Variants in DDX60 observed in about 807,000 individuals in gnomAD.
The protein encoded by DDX60 is DExD/H-box helicase 60.
In DDX60, 165 loss-of-function variants were observed where a neutral mutation model predicts 212.8. The ratio of observed to expected loss-of-function variants is 0.78; its 90% CI spans 0.68 to 0.88. The LOEUF (loss-of-function observed/expected upper bound fraction) is 0.88. Ranked by LOEUF, DDX60 falls within the 40% of genes least tolerant of loss-of-function variation. DDX60 has a pLI of 0.00. For synonymous variants in DDX60, 703 were observed against 685.3 expected (o/e 1.03, Z -0.40); for missense variants, 1,905 against 2,003.9 (o/e 0.95, Z 0.94).
chr4:168,241,961 A>C (rs72693117), intron 30 of DDX60, among the ~76,000 whole-genome samples: 8,903 of 152,176 alleles, frequency 0.059, 449 homozygotes, highest in East Asian at 0.15. Flanking sequence ...CTGCTGTGTA[A>C]AGTCTAGGAA....
chr4:168,317,826 T>C (rs896875027), intron 1 of DDX60, among the ~76,000 whole-genome samples: 4 of 152,066 alleles, frequency 2.6e-5, no homozygotes, highest in African/African-American at 9.7e-5. Context: ...GATCTCAGGG[T>C]GAAATCTAAA....
rs79373297 is a variant in DDX60 at position 168,272,925 on chromosome 4, A to G, written c.2574+354T>C. On this transcript the variant is annotated intron_variant, in intron 18 of 37. Coordinates refer to ENST00000393743, the MANE Select transcript of DDX60 (RefSeq NM_017631.6). The stretch of plus-strand genomic sequence containing the variant: ...ATACAACATTTTCTAAATCATGAGT[A>G]TCCTTAATAGATACTTATGAAGAAA... 1.4e-3 allele frequency among the ~76,000 whole-genome samples: 212 copies of G among 152,376 alleles called. 4 individuals carry two copies. Among genetic ancestry groups the G allele is most frequent in the East Asian group, 0.012 (61 of 5,194 alleles).
intron 10 of DDX60, among the ~76,000 whole-genome samples, chr4:168,285,710 T>C (rs909124757): frequency 4.6e-5 from 7 of 151,444 alleles, no homozygotes; most frequent in Admixed American, 2.6e-4. Flanking sequence ...CATTTTGGCA[T>C]ATATGTGGAT....
intron 3 of DDX60, 78 bp from the exon 4 acceptor site, chr4:168,308,273 C>T: frequency 1.3e-6 from 1 of 792,040 alleles, no homozygotes; most frequent in Non-Finnish European, 1.9e-6. Flanking sequence ...CTTATTAGCT[C>T]ATTATCATTA....
At chr4:168,302,465 A>G (rs1736687720) in intron 5 of DDX60, 49 bp from the exon 6 acceptor site, 1 of 807,482 alleles carries the variant, frequency 1.2e-6, no homozygotes, top group Non-Finnish European at 1.8e-6. Context: ...AAAATATGTA[A>G]TTATTTTCCA....
At chr4:168,258,390 C>A (rs1560832868) in intron 25 of DDX60, among the ~76,000 whole-genome samples, 1 of 152,124 alleles carries the variant, frequency 6.6e-6, no homozygotes, top group Non-Finnish European at 1.5e-5. Context: ...AGTGTGTGCC[C>A]TTAAGCACAC....
intron 24 of DDX60, among the ~76,000 whole-genome samples, chr4:168,261,505 A>C (rs1171889011): frequency 6.6e-6 from 1 of 152,212 alleles, no homozygotes; most frequent in Non-Finnish European, 1.5e-5. Context: ...AATAAATCAA[A>C]TTTCAAAATA....
At chr4:168,290,205 A>C (rs1290737993) in intron 8 of DDX60, among the ~76,000 whole-genome samples, 1 of 152,132 alleles carries the variant, frequency 6.6e-6, no homozygotes, top group Non-Finnish European at 1.5e-5. Flanking sequence ...CGGGATAATC[A>C]CACATGCTGC....
intron 35 of DDX60, among the ~76,000 whole-genome samples, chr4:168,223,296 A>G (rs1733129632): frequency 6.6e-6 from 1 of 151,662 alleles, no homozygotes; most frequent in South Asian, 2.1e-4. Flanking sequence ...ATGTAAAACT[A>G]ATTTTATTAA....
upstream of DDX60, among the ~76,000 whole-genome samples, chr4:168,322,828 G>A (rs1188315919): frequency 2.6e-5 from 4 of 152,200 alleles, no homozygotes; most frequent in African/African-American, 9.6e-5. Context: ...TGGAACTCAG[G>A]AGCAAAGTGA....
intron 9 of DDX60, among the ~76,000 whole-genome samples, chr4:168,287,584 T>C (rs1735915473): frequency 1.3e-5 from 2 of 152,164 alleles, no homozygotes; most frequent in Non-Finnish European, 2.9e-5. Flanking sequence ...TTGTTAAGTT[T>C]ATATGCAGCT....
At chr4:168,305,191 C>T (rs1736822597) in intron 5 of DDX60, among the ~76,000 whole-genome samples, 1 of 152,198 alleles carries the variant, frequency 6.6e-6, no homozygotes, top group African/African-American at 2.4e-5. Flanking sequence ...GTGTCATAGG[C>T]TATACCATCT....
chr4:168,252,929 C>T (rs892327612), intron 26 of DDX60, among the ~76,000 whole-genome samples: 3 of 152,076 alleles, frequency 2.0e-5, no homozygotes, highest in Admixed American at 6.6e-5. Context: ...CTCAGCCTCC[C>T]GAGTAGCTGG....
At chr4:168,272,210 G>T in intron 18 of DDX60, 72 bp from the exon 19 acceptor site, 1 of 1,241,352 alleles carries the variant, frequency 8.1e-7, no homozygotes, top group East Asian at 2.5e-5. Context: ...ACAGGAATAT[G>T]TAAGATAGAC....
At chr4:168,244,661 G>A (rs1409987709) in intron 30 of DDX60, among the ~76,000 whole-genome samples, 1 of 152,102 alleles carries the variant, frequency 6.6e-6, no homozygotes, top group Non-Finnish European at 1.5e-5. Flanking sequence ...GGAGGCGGAG[G>A]TTGCAGTGAG....
At chr4:168,287,593 C>T (rs928258476) in intron 9 of DDX60, among the ~76,000 whole-genome samples, 1 of 152,082 alleles carries the variant, frequency 6.6e-6, no homozygotes, top group African/African-American at 2.4e-5. Flanking sequence ...TTATATGCAG[C>T]TAATTCATTA....
At chr4:168,218,395 A>G (rs563365335) in intron 37 of DDX60, among the ~76,000 whole-genome samples, 2 of 152,012 alleles carry the variant, frequency 1.3e-5, no homozygotes, top group African/African-American at 2.4e-5. Flanking sequence ...AACTGCATAA[A>G]TTTTTTTACC....
intron 31 of DDX60, 66 bp from the exon 32 acceptor site, chr4:168,237,493 AC>A: frequency 7.1e-7 from 1 of 1,414,720 alleles, no homozygotes; most frequent in Non-Finnish European, 9.5e-7. Context: ...CTTATTAAGT[AC>A]CAGTTTAAAA....
In DDX60 at chr4:168,285,945, A is replaced by AAGGG. The variant is rs1257458524; in HGVS notation, c.1340-451_1340-448dup. Among the ~76,000 whole-genome samples, 6 of 127,734 alleles carry AAGGG rather than the reference A, an allele frequency of 4.7e-5. No individual in the cohort carries two copies. In the East Asian group the frequency reaches 8.6e-4, roughly 18 times the overall value. The allele number at this position is 127,734 out of a possible 152,430, so 83.8% of individuals were successfully genotyped here. On this transcript the variant is annotated intron_variant, in intron 10 of 37. Transcript: ENST00000393743. ...GAAGGAAGGAAGGAAGGAAGGGAGG[A>AAGGG]AGGGAGGGAGGGAAAGGAAAGAATG...
Sources: allele counts gnomAD v4.1 joint callset (sites outside exome capture counted in the v4.1 genomes callset), GRCh38; gene constraint gnomAD v4.1.1; transcripts MANE v1.5; gene names NCBI Gene and HGNC (gene_info 2026-07-23, HGNC 2026-07-21).